TERB1: variants seen among roughly 807,000 people sequenced by gnomAD.
TERB1 encodes the protein telomere repeats-binding bouquet formation protein 1.
A neutral mutation model predicts 92.3 loss-of-function variants in TERB1; 63 were observed. That is an observed-to-expected ratio of 0.68 (90% CI 0.56 to 0.84). TERB1 has a LOEUF of 0.84. Ranked by LOEUF, TERB1 falls within the 40% of genes least tolerant of loss-of-function variation. The pLI is 0.00. For missense variants in TERB1, 709 were observed against 843.7 expected (o/e 0.84, Z 1.98); for synonymous variants, 252 against 283.9 (o/e 0.89, Z 1.13).
chr16:66,787,283 C>CTTTTTTTTTTTT (rs58213946), intron 6 of TERB1, among the ~76,000 whole-genome samples: 7 of 137,884 alleles, frequency 5.1e-5, no homozygotes, highest in Admixed American at 2.2e-4. Flanking sequence ...TTTTCTTTTT[C>CTTTTTTTTTTTT]TTTTTTTTTT....
intron 18 of TERB1, 74 bp from the exon 19 acceptor site, chr16:66,755,237 G>C: frequency 2.3e-6 from 2 of 883,386 alleles, no homozygotes; most frequent in Non-Finnish European, 3.5e-6. Flanking sequence ...TGCTTATTTG[G>C]ATATGCTTAA....
At chr16:66,793,924 T>C (rs989490176) in intron 3 of TERB1, among the ~76,000 whole-genome samples, 2 of 152,316 alleles carry the variant, frequency 1.3e-5, no homozygotes, top group East Asian at 1.9e-4. Context: ...AAGATGCTTT[T>C]AGCAACAGCA....
intron 16 of TERB1, among the ~76,000 whole-genome samples, chr16:66,759,706 A>G (rs6499099): frequency 0.51 from 75,569 of 149,366 alleles, 19,930 homozygotes; most frequent in African/African-American, 0.64. Context: ...GCTGGGGCAG[A>G]AGAATCACTT....
chr16:66,775,875 T>C (rs1259210076), intron 11 of TERB1, among the ~76,000 whole-genome samples: 2 of 151,444 alleles, frequency 1.3e-5, no homozygotes, highest in East Asian at 4.1e-4. Flanking sequence ...CATGCCCAGC[T>C]ATTTTTTTGT....
At chr16:66,801,327 T>C (rs927745172) in intron 1 of TERB1, 141 bp downstream of exon 1, 2 of 152,290 alleles carry the variant, frequency 1.3e-5, no homozygotes, top group Admixed American at 6.5e-5. Flanking sequence ...CCAAGGGCTG[T>C]GGGGACTACA....
chr16:66,784,748 A>ATTTTTTTTTTTTTTTTTTT, intron 9 of TERB1, among the ~76,000 whole-genome samples: 1 of 117,606 alleles, frequency 8.5e-6, no homozygotes, highest in Non-Finnish European at 1.7e-5. Flanking sequence ...TTAATTTTTA[A>ATTTTTTTTTTTTTTTTTTT]TTTTTTTTTT....
intron 5 of TERB1, among the ~76,000 whole-genome samples, chr16:66,790,159 A>G (rs540973943): frequency 3.3e-5 from 5 of 152,180 alleles, no homozygotes; most frequent in African/African-American, 9.6e-5. Context: ...TTACCCACAC[A>G]TGACATGGTT....
At chr16:66,792,397 C>T (rs2018850651) in intron 3 of TERB1, among the ~76,000 whole-genome samples, 1 of 152,154 alleles carries the variant, frequency 6.6e-6, no homozygotes, top group Admixed American at 6.5e-5. Flanking sequence ...ATCACCACTC[C>T]TATATAACAT....
At chr16:66,798,473 T>C (rs1200499885) in intron 2 of TERB1, among the ~76,000 whole-genome samples, 4 of 152,238 alleles carry the variant, frequency 2.6e-5, no homozygotes, top group African/African-American at 7.2e-5. Context: ...TGAGTCACCA[T>C]GCCTGGCCCA....
At chr16:66,774,338 A>T (rs967545798) in intron 12 of TERB1, among the ~76,000 whole-genome samples, 1 of 151,702 alleles carries the variant, frequency 6.6e-6, no homozygotes, top group African/African-American at 2.4e-5. Context: ...GGCGTCTGCC[A>T]ACACGCCCGG....
rs773125034 is a variant in TERB1 at position 66,754,969 on chromosome 16, C to T, written c.*7G>A. On this transcript the variant is annotated 3_prime_UTR_variant, in exon 19 of 19. Coordinates refer to ENST00000433154, the MANE Select transcript of TERB1 (RefSeq NM_001136505.2). ...ATCCAAACTAAAAACTGACAGTCTT[C>T]TTTCAATCAAGAAGCTGCACACGTG... The T allele has an allele frequency of 1.0e-5, 16 of 1,543,684 alleles. No individual in the cohort carries two copies. In the African/African-American group the frequency reaches 2.2e-4, roughly 21 times the overall value.
At chr16:66,796,158 A>AT (rs1345780052) in intron 3 of TERB1, among the ~76,000 whole-genome samples, 2 of 152,248 alleles carry the variant, frequency 1.3e-5, no homozygotes, top group Non-Finnish European at 2.9e-5. Flanking sequence ...GCTAAAATCT[A>AT]TTAAGTTTAC....
intron 18 of TERB1, among the ~76,000 whole-genome samples, chr16:66,756,337 CAGA>C (rs2018138691): frequency 6.6e-6 from 1 of 152,158 alleles, no homozygotes; most frequent in Non-Finnish European, 1.5e-5. Context: ...ATCTTCCCAG[CAGA>C]AGGTTATCAG....
At chr16:66,799,170 A>G (rs1358273525) in intron 2 of TERB1, among the ~76,000 whole-genome samples, 2 of 152,214 alleles carry the variant, frequency 1.3e-5, no homozygotes, top group African/African-American at 4.8e-5. Flanking sequence ...CTATTTCCTT[A>G]ATTTTAATTA....
intron 3 of TERB1, among the ~76,000 whole-genome samples, 177 bp from the exon 4 acceptor site, chr16:66,791,196 A>G (rs970146839): frequency 9.2e-5 from 14 of 152,134 alleles, no homozygotes; most frequent in Non-Finnish European, 1.8e-4. Flanking sequence ...TTTAAATAAA[A>G]TAACTTAAAA....
At chr16:66,770,540 A>C (rs1340069330) in intron 13 of TERB1, among the ~76,000 whole-genome samples, 1 of 152,184 alleles carries the variant, frequency 6.6e-6, no homozygotes, top group Non-Finnish European at 1.5e-5. Flanking sequence ...CACAGCTTAT[A>C]CAAAGATAAA....
chr16:66,779,023 A>G lies in TERB1; in HGVS notation c.701-8T>C. Reference sequence around the variant, plus strand: ...AGTATTTCTGAACATATGCTTAAAGAATAAAGTAGCAAAACTATTAATATT... The same window carrying G: ...AGTATTTCTGAACATATGCTTAAAGGATAAAGTAGCAAAACTATTAATATT... On this transcript the variant is annotated splice_region_variant and splice_polypyrimidine_tract_variant and intron_variant, in intron 9 of 18. Transcript: ENST00000433154. 1 of 1,468,774 alleles carries G rather than the reference A, an allele frequency of 6.8e-7. No individual in the cohort carries two copies. The highest frequency in any genetic ancestry group is 1.4e-5 in the African/African-American group (1 of 71,280). 91.0% of individuals were successfully genotyped at this position (1,468,774 alleles called of 1,614,324 possible).
intron 12 of TERB1, among the ~76,000 whole-genome samples, chr16:66,774,157 A>G (rs2018501598): frequency 6.9e-6 from 1 of 144,760 alleles, no homozygotes; most frequent in Admixed American, 7.0e-5. Flanking sequence ...CTGGGATTAC[A>G]GGCGTGAGCC....
chr16:66,793,062 C>G (rs1000753359), intron 3 of TERB1, among the ~76,000 whole-genome samples: 1 of 150,844 alleles, frequency 6.6e-6, no homozygotes, highest in African/African-American at 2.4e-5. Flanking sequence ...GAGCAAGACT[C>G]TGTCTCAAAA....
Sources: allele counts gnomAD v4.1 joint callset (sites outside exome capture counted in the v4.1 genomes callset), GRCh38; gene constraint gnomAD v4.1.1; transcripts MANE v1.5; gene names NCBI Gene and HGNC (gene_info 2026-07-23, HGNC 2026-07-21).